The following RAD51B variants were observed in gnomAD, a reference collection of about 807,000 sequenced individuals.
RAD51B encodes the protein RAD51 paralog B.
In RAD51B, 38 loss-of-function variants were observed where a neutral mutation model predicts 42.2. The ratio of observed to expected loss-of-function variants is 0.90; its 90% CI spans 0.70 to 1.18. The LOEUF is 1.18. Among genes scored for constraint, RAD51B ranks in the 50% most tolerant of loss-of-function variants. The pLI is 0.00. For synonymous variants in RAD51B, 154 were observed against 145.2 expected, an observed-to-expected ratio of 1.06 and a Z score of -0.43; for missense variants, 373 against 400.7, an observed-to-expected ratio of 0.93 and a Z score of 0.59.
At chr14:68,292,714 AG>A (rs1455428993) in intron 8 of RAD51B, among the ~76,000 whole-genome samples, 1 of 152,210 alleles carries the variant, frequency 6.6e-6, no homozygotes, top group Non-Finnish European at 1.5e-5. Flanking sequence ...GAAGGAATAC[AG>A]GAGACTTTTA....
intron 7 of RAD51B, among the ~76,000 whole-genome samples, chr14:68,225,531 A>G (rs1052622069): frequency 6.6e-6 from 1 of 152,190 alleles, no homozygotes; most frequent in African/African-American, 2.4e-5. Flanking sequence ...TTCTGCAGAA[A>G]CCATGACACA....
chr14:68,039,552 A>G (rs549610761), intron 7 of RAD51B, among the ~76,000 whole-genome samples: 1 of 152,334 alleles, frequency 6.6e-6, no homozygotes, highest in Admixed American at 6.5e-5. Flanking sequence ...TCATTGGAGA[A>G]GTGGTTCACG....
intron 7 of RAD51B, among the ~76,000 whole-genome samples, chr14:67,923,569 G>T (rs2044404978): frequency 6.6e-6 from 1 of 151,986 alleles, no homozygotes; most frequent in Non-Finnish European, 1.5e-5. Flanking sequence ...AAATTGCTGG[G>T]ATTACAGGCA....
intron 10 of RAD51B, among the ~76,000 whole-genome samples, chr14:68,509,275 C>T (rs2140310918): frequency 6.6e-6 from 1 of 152,334 alleles, no homozygotes; most frequent in South Asian, 2.1e-4. Flanking sequence ...TCGTGTGGCA[C>T]ACGTAAGGGA....
intron 7 of RAD51B, among the ~76,000 whole-genome samples, chr14:68,041,303 C>G (rs532780441): frequency 3.9e-5 from 6 of 152,256 alleles, no homozygotes; most frequent in African/African-American, 1.2e-4. Flanking sequence ...TTATAAATTA[C>G]CCAGTCTCAG....
At chr14:68,187,764 T>C (rs1385300643) in intron 7 of RAD51B, among the ~76,000 whole-genome samples, 1 of 152,162 alleles carries the variant, frequency 6.6e-6, no homozygotes, top group Non-Finnish European at 1.5e-5. Context: ...ATATACTGTT[T>C]TGCATCTTTT....
intron 7 of RAD51B, among the ~76,000 whole-genome samples, chr14:67,985,402 A>G (rs188977673): frequency 1.0e-3 from 154 of 152,324 alleles, no homozygotes; most frequent in African/African-American, 3.6e-3. Flanking sequence ...GTAGGAAGAG[A>G]ATAACAGTAA....
chr14:68,658,688 C>A (rs1892871175), intron 11 of RAD51B, among the ~76,000 whole-genome samples: 1 of 152,228 alleles, frequency 6.6e-6, no homozygotes, highest in Admixed American at 6.5e-5. Flanking sequence ...GTTCTCCCTG[C>A]CTTCTGCCCC....
rs2140096932 is a variant in RAD51B at position 67,903,317 on chromosome 14, T to A, written c.756+16113T>A. 1.3e-5 allele frequency among the ~76,000 whole-genome samples: 2 copies of A among 152,298 alleles called. 1 individual carries two copies. The highest frequency in any genetic ancestry group is 4.1e-4 in the South Asian group (2 of 4,828). On this transcript the variant is annotated intron_variant, in intron 7 of 10. Coordinates refer to ENST00000471583, the MANE Select transcript of RAD51B (RefSeq NM_133510.4). ...ATAAAAACCTTTTCTGTGCATTTGT[T>A]TCAGAATCTTACCGCTTCTAGGACC...
chr14:68,570,946 C>T (rs1343425020), intron 10 of RAD51B, among the ~76,000 whole-genome samples: 1 of 151,952 alleles, frequency 6.6e-6, no homozygotes, highest in East Asian at 1.9e-4. Context: ...CACATATTAG[C>T]TCGTGTCTTC....
intron 7 of RAD51B, among the ~76,000 whole-genome samples, chr14:68,051,700 G>A (rs1167764429): frequency 1.3e-5 from 2 of 151,894 alleles, no homozygotes; most frequent in South Asian, 2.1e-4. Flanking sequence ...CTGGGCTGAA[G>A]CAATCCTTCC....
intron 7 of RAD51B, among the ~76,000 whole-genome samples, chr14:68,149,115 G>A (rs1181312274): frequency 6.6e-6 from 1 of 152,116 alleles, no homozygotes; most frequent in Non-Finnish European, 1.5e-5. Flanking sequence ...TCCTTTATCA[G>A]ATAGGTGTTT....
At chr14:67,829,501 C>A (rs1377622693) in intron 3 of RAD51B, among the ~76,000 whole-genome samples, 1 of 152,180 alleles carries the variant, frequency 6.6e-6, no homozygotes, top group African/African-American at 2.4e-5. Context: ...CTCGGCCTCC[C>A]AAAGTGCTGG....
At chr14:68,364,011 A>G (rs1437894647) in intron 8 of RAD51B, among the ~76,000 whole-genome samples, 1 of 152,150 alleles carries the variant, frequency 6.6e-6, no homozygotes, top group Non-Finnish European at 1.5e-5. Flanking sequence ...CGAGGCCTCC[A>G]CGGGCTTCCT....
At chr14:68,563,400 C>A (rs968632570) in intron 10 of RAD51B, 3 of 985,486 alleles carry the variant, frequency 3.0e-6, no homozygotes, top group South Asian at 4.7e-5. Flanking sequence ...TCCCGCCCCC[C>A]AAGTCCAGAG....
chr14:68,458,853 C>T (rs991276285), intron 9 of RAD51B, among the ~76,000 whole-genome samples: 1 of 152,116 alleles, frequency 6.6e-6, no homozygotes, highest in African/African-American at 2.4e-5. Context: ...CTGCCATTTT[C>T]CAGCACTGTA....
chr14:68,324,250 T>C (rs987345135), intron 8 of RAD51B, among the ~76,000 whole-genome samples: 1 of 152,214 alleles, frequency 6.6e-6, no homozygotes, highest in Non-Finnish European at 1.5e-5. Context: ...TGAGCCCAAG[T>C]AGATTCAACA....
At position 68,328,370 on chromosome 14, in the gene RAD51B, T is replaced by C. The variant is rs1485552643; in HGVS notation, c.853+36390T>C. Among the ~76,000 whole-genome samples the C allele has an allele frequency of 5.9e-5, 9 of 152,282 alleles. 1 individual carries two copies. In the East Asian group the frequency reaches 1.7e-3, roughly 29 times the overall value. ...GTGCATTGCTAGGCAGTGCTTCCAT[T>C]GTCCTTAAGTGTTTAAGGTCTTGTG... is the stretch of plus-strand genomic sequence containing the variant. On this transcript the variant is annotated intron_variant, in intron 8 of 10. Coordinates refer to ENST00000471583, the MANE Select transcript of RAD51B (RefSeq NM_133510.4).
At chr14:68,601,229 CT>C (rs113817554) in intron 10 of RAD51B, among the ~76,000 whole-genome samples, 6 of 151,384 alleles carry the variant, frequency 4.0e-5, no homozygotes, top group African/African-American at 1.2e-4. Context: ...TCACCAGTAA[CT>C]TTTTTTTTGG....
Sources: allele counts gnomAD v4.1 joint callset (sites outside exome capture counted in the v4.1 genomes callset), GRCh38; gene constraint gnomAD v4.1.1; transcripts MANE v1.5; gene names NCBI Gene and HGNC (gene_info 2026-07-23, HGNC 2026-07-21).